RBFOX3: variants seen among roughly 807,000 people sequenced by gnomAD.
The protein encoded by RBFOX3 is RNA binding protein fox-1 homolog 3.
Under a neutral mutation model 48.7 loss-of-function variants are expected in RBFOX3, and 17 were observed. The observed-to-expected ratio is 0.35, with a 90% CI of 0.24 to 0.52. RBFOX3 has a LOEUF of 0.52. RBFOX3 is among the 20% of genes least tolerant of loss of function. The pLI, the probability that RBFOX3 is intolerant of heterozygous loss-of-function variation, is 0.94. For missense variants in RBFOX3, 382 were observed against 497.5 expected (o/e 0.77, Z 2.21); for synonymous variants, 212 against 209.5 (o/e 1.01, Z -0.10).
intron 1 of RBFOX3, among the ~76,000 whole-genome samples, chr17:79,544,924 T>C (rs1195004201): frequency 1.6e-5 from 1 of 62,022 alleles, no homozygotes. Flanking sequence ...GGATAAAAAA[T>C]AACATAAAAT....
At chr17:79,574,339 A>C (rs1055360167) in intron 1 of RBFOX3, among the ~76,000 whole-genome samples, 64 of 152,318 alleles carry the variant, frequency 4.2e-4, no homozygotes, top group African/African-American at 1.4e-3. Flanking sequence ...CAGGTCACAA[A>C]GTCCCAGCTG....
At chr17:79,344,999 C>T (rs1053615280) in intron 2 of RBFOX3, among the ~76,000 whole-genome samples, 1 of 152,238 alleles carries the variant, frequency 6.6e-6, no homozygotes, top group Non-Finnish European at 1.5e-5. Flanking sequence ...TACTTGACCA[C>T]TCCTACCTTC....
At chr17:79,558,684 T>C (rs1340291344) in intron 1 of RBFOX3, among the ~76,000 whole-genome samples, 1 of 152,168 alleles carries the variant, frequency 6.6e-6, no homozygotes, top group Non-Finnish European at 1.5e-5. Flanking sequence ...AGCCTTCCCC[T>C]GCCTTGCGGG....
chr17:79,596,685 G>A (rs949774772), intron 1 of RBFOX3, among the ~76,000 whole-genome samples: 6 of 152,040 alleles, frequency 3.9e-5, no homozygotes, highest in African/African-American at 1.5e-4. Flanking sequence ...CCCTGCCCGC[G>A]AAGCACTTGC....
intron 12 of RBFOX3, 29 bp downstream of exon 12, chr17:79,096,620 TCCCA>T: frequency 6.7e-7 from 1 of 1,502,326 alleles, no homozygotes; most frequent in Non-Finnish European, 9.1e-7. Context: ...GAACGCCTGA[TCCCA>T]CCCTCCCTCC....
chr17:79,116,639 C>T (rs571143534), intron 4 of RBFOX3, among the ~76,000 whole-genome samples: 32 of 152,360 alleles, frequency 2.1e-4, no homozygotes, highest in Admixed American at 2.0e-3. Context: ...TCCTGCCTCC[C>T]CTGCCAGTGA....
At chr17:79,583,379 C>T (rs976960360) in intron 1 of RBFOX3, among the ~76,000 whole-genome samples, 8 of 152,172 alleles carry the variant, frequency 5.3e-5, no homozygotes, top group Non-Finnish European at 1.2e-4. Context: ...TGACTCAGGT[C>T]GAAGGGCCCC....
intron 2 of RBFOX3, among the ~76,000 whole-genome samples, chr17:79,400,996 A>C (rs2062731241): frequency 6.6e-6 from 1 of 152,242 alleles, no homozygotes; most frequent in South Asian, 2.1e-4. Context: ...GAGACAAAAC[A>C]GAAAAACACG....
chr17:79,339,088 T>A (rs1312305685), intron 2 of RBFOX3, among the ~76,000 whole-genome samples: 1 of 151,806 alleles, frequency 6.6e-6, no homozygotes, highest in Non-Finnish European at 1.5e-5. Flanking sequence ...ACAGTCTCAC[T>A]CTGTTGCCCA....
At chr17:79,398,039 AGAG>A (rs1305987194) in intron 2 of RBFOX3, among the ~76,000 whole-genome samples, 2 of 152,070 alleles carry the variant, frequency 1.3e-5, no homozygotes, top group Non-Finnish European at 2.9e-5. Flanking sequence ...AGGAGTTTAA[AGAG>A]GAGGAAGACT....
chr17:79,256,969 A>G (rs2064983407), intron 3 of RBFOX3, among the ~76,000 whole-genome samples: 1 of 151,722 alleles, frequency 6.6e-6, no homozygotes, highest in Non-Finnish European at 1.5e-5. Context: ...CAAAAAAAAG[A>G]AAAAGAAAAG....
intron 3 of RBFOX3, among the ~76,000 whole-genome samples, chr17:79,244,852 C>T (rs1245637228): frequency 6.7e-6 from 1 of 148,512 alleles, no homozygotes; most frequent in Non-Finnish European, 1.5e-5. Flanking sequence ...CTTTCATTCT[C>T]CTTCCTTTCC....
intron 1 of RBFOX3, among the ~76,000 whole-genome samples, chr17:79,504,889 C>T (rs1272285946): frequency 1.3e-5 from 2 of 152,094 alleles, no homozygotes; most frequent in African/African-American, 4.8e-5. Flanking sequence ...TGCGGACGTG[C>T]GTGAGGGATG....
chr17:79,395,871 A>C (rs776574930), intron 2 of RBFOX3, among the ~76,000 whole-genome samples: 2 of 152,200 alleles, frequency 1.3e-5, no homozygotes, highest in Non-Finnish European at 2.9e-5. Flanking sequence ...ATCCTGCAGA[A>C]GGGGTAGACC....
At chr17:79,371,825 A>G (rs1245801169) in intron 2 of RBFOX3, among the ~76,000 whole-genome samples, 1 of 152,176 alleles carries the variant, frequency 6.6e-6, no homozygotes, top group Non-Finnish European at 1.5e-5. Flanking sequence ...GGGACCTGGC[A>G]TGGTGAGAAG....
intron 2 of RBFOX3, among the ~76,000 whole-genome samples, chr17:79,389,036 C>A (rs2060971151): frequency 6.6e-6 from 1 of 152,264 alleles, no homozygotes; most frequent in South Asian, 2.1e-4. Flanking sequence ...GGCCTTTTCT[C>A]TACATCCTTC....
Position 79,314,985 on chromosome 17 carries a change from T to C in RBFOX3, c.-174-7161A>G, listed in dbSNP as rs577614385. ...AATTGCAGGTAGAGGAGGATAGATA[T>C]TTATCTTTTACCTTAATTATAAAAA... On this transcript the variant is annotated intron_variant, in intron 2 of 14. Transcript: ENST00000693108. Among the ~76,000 whole-genome samples, 3 of 152,206 alleles carry C rather than the reference T, an allele frequency of 2.0e-5. No individual in the cohort carries two copies. The South Asian group carries it at 6.2e-4, about 32-fold the overall frequency.
chr17:79,185,268 G>C (rs1324246800), intron 4 of RBFOX3, among the ~76,000 whole-genome samples: 1 of 152,200 alleles, frequency 6.6e-6, no homozygotes, highest in Admixed American at 6.5e-5. Flanking sequence ...ACAGGACAAG[G>C]ATAGGGGGCT....
intron 1 of RBFOX3, among the ~76,000 whole-genome samples, chr17:79,528,816 C>T (rs1444912948): frequency 2.0e-5 from 3 of 152,088 alleles, no homozygotes; most frequent in Non-Finnish European, 2.9e-5. Flanking sequence ...AGAGGGAGCA[C>T]GGCCCTGCGA....
Sources: gnomAD v4.1 joint callset for allele counts (sites outside exome capture counted in the v4.1 genomes callset) on GRCh38, gnomAD v4.1.1 for gene constraint, MANE v1.5 for transcripts, NCBI Gene and HGNC (gene_info 2026-07-23, HGNC 2026-07-21) for gene names.